ADARB2: variants seen among roughly 807,000 people sequenced by gnomAD.
ADARB2 encodes adenosine deaminase RNA specific B2 (inactive).
ADARB2 carries 25 observed loss-of-function variants against 62.2 expected under a neutral mutation model. The observed-to-expected ratio is 0.40, with a 90% CI of 0.29 to 0.56. ADARB2 has a LOEUF of 0.56. ADARB2 is among the 20% of genes least tolerant of loss of function. The pLI is 0.43. For synonymous variants in ADARB2, 572 were observed against 500.8 expected, an observed-to-expected ratio of 1.14 and a Z score of -1.90; for missense variants, 1,071 against 1,077.4, an observed-to-expected ratio of 0.99 and a Z score of 0.08.
intron 5 of ADARB2, among the ~76,000 whole-genome samples, chr10:1,240,695 CG>C (rs1370062270): frequency 1.3e-5 from 2 of 152,194 alleles, no homozygotes; most frequent in Non-Finnish European, 2.9e-5. Flanking sequence ...GGGCAGGCGT[CG>C]GGTGCACCTG....
In ADARB2 at chr10:1,200,042, T is replaced by C. The variant is rs79155735; in HGVS notation, c.1788A>G (p.Ala596=). Residue 596 remains alanine, a synonymous_variant, in exon 8 of 10, where the codon GCA becomes GCG. Transcript: ENST00000381312. ...CCTCCATGCGGTGGCTCATGACGCG[T>C]GCGAGGTGGCCCGTGTGGTGCAGGC... ...VGSLHHTGHL[A]RVMSHRMEGV... 3 of 1,596,766 alleles carry C rather than the reference T, an allele frequency of 1.9e-6. No homozygotes were observed. The highest frequency in any genetic ancestry group is 2.6e-6 in the Non-Finnish European group (3 of 1,176,182).
intron 1 of ADARB2, among the ~76,000 whole-genome samples, chr10:1,490,420 G>C (rs1421590194): frequency 1.3e-5 from 2 of 152,060 alleles, no homozygotes; most frequent in African/African-American, 4.8e-5. Context: ...AATCCTCTGA[G>C]GTTTCTTTTA....
intron 1 of ADARB2, among the ~76,000 whole-genome samples, chr10:1,608,363 G>A (rs1833520350): frequency 6.6e-6 from 1 of 152,046 alleles, no homozygotes; most frequent in Admixed American, 6.6e-5. Flanking sequence ...AATTTAAATC[G>A]TCACCAGCGG....
chr10:1,328,956 C>T (rs1589194221), intron 3 of ADARB2, among the ~76,000 whole-genome samples: 2 of 144,376 alleles, frequency 1.4e-5, no homozygotes, highest in East Asian at 4.0e-4. Flanking sequence ...ATGATTGCAC[C>T]ACTGCACTCC....
chr10:1,590,667 C>A (rs1205971488), intron 1 of ADARB2, among the ~76,000 whole-genome samples: 3 of 152,130 alleles, frequency 2.0e-5, no homozygotes, highest in Admixed American at 6.5e-5. Context: ...TCATGTATTT[C>A]ATGTAGAGGT....
At chr10:1,473,850 G>C (rs1225324191) in intron 1 of ADARB2, among the ~76,000 whole-genome samples, 2 of 152,262 alleles carry the variant, frequency 1.3e-5, no homozygotes, top group Non-Finnish European at 2.9e-5. Flanking sequence ...AGGATGGAAA[G>C]TGTAAGAAGA....
At chr10:1,695,372 A>G (rs1834726045) in intron 1 of ADARB2, among the ~76,000 whole-genome samples, 1 of 152,208 alleles carries the variant, frequency 6.6e-6, no homozygotes, top group Non-Finnish European at 1.5e-5. Flanking sequence ...ACAGGCTCAC[A>G]CAGCAAGGAG....
chr10:1,691,400 A>G (rs1267032269), intron 1 of ADARB2, among the ~76,000 whole-genome samples: 2 of 152,136 alleles, frequency 1.3e-5, no homozygotes, highest in African/African-American at 4.8e-5. Flanking sequence ...GAAAATGAAT[A>G]CAATGGTTTT....
chr10:1,184,701 G>A lies in ADARB2; in HGVS notation c.2043+160C>T, dbSNP rs1254000570. Among the ~76,000 whole-genome samples, 7 of 152,210 alleles carry A rather than the reference G, an allele frequency of 4.6e-5. No homozygotes were observed. In the South Asian group the frequency reaches 6.2e-4, roughly 14 times the overall value. On this transcript the variant is annotated intron_variant, in intron 9 of 9. Transcript: ENST00000381312. ...AGGGTCTCAAGCCTACAGGGGAAAC[G>A]CTGCTGGCCTGGGCAGCTGGGAAAA...
chr10:1,226,056 G>A (rs1180665008), intron 6 of ADARB2, among the ~76,000 whole-genome samples: 3 of 152,168 alleles, frequency 2.0e-5, no homozygotes, highest in Non-Finnish European at 2.9e-5. Context: ...CCAATCAGAC[G>A]TAGATTTGGT....
intron 8 of ADARB2, among the ~76,000 whole-genome samples, chr10:1,195,179 C>T (rs563042619): frequency 6.6e-6 from 1 of 152,258 alleles, no homozygotes; most frequent in East Asian, 1.9e-4. Flanking sequence ...CCATCCCTGT[C>T]CTTCCCCAGG....
chr10:1,279,812 GA>G (rs1274098078), intron 3 of ADARB2, among the ~76,000 whole-genome samples: 1 of 152,214 alleles, frequency 6.6e-6, no homozygotes, highest in Non-Finnish European at 1.5e-5. Context: ...TGGGAACATG[GA>G]ACTTGTTTGG....
At chr10:1,570,080 C>T (rs370336831) in intron 1 of ADARB2, among the ~76,000 whole-genome samples, 6 of 152,172 alleles carry the variant, frequency 3.9e-5, no homozygotes, top group South Asian at 4.2e-4. Flanking sequence ...GATTTGTTGT[C>T]TCATTCACAT....
In ADARB2 at chr10:1,285,313, C is replaced by T. The variant is rs11250383; in HGVS notation, c.1078-14244G>A. Among the ~76,000 whole-genome samples, 94 of 152,152 alleles carry T rather than the reference C, an allele frequency of 6.2e-4. 1 individual carries two copies. The East Asian group carries it at 0.016, about 25-fold the overall frequency. The stretch of plus-strand genomic sequence containing the variant: ...TGGGGAAACGCGCCCTCCTGTGAAC[C>T]CTTACAAAGCAGCTCGGCTTCTCGC... On this transcript the variant is annotated intron_variant, in intron 3 of 9. Coordinates refer to ENST00000381312, the MANE Select transcript of ADARB2 (RefSeq NM_018702.4).
intron 3 of ADARB2, among the ~76,000 whole-genome samples, chr10:1,321,770 C>T (rs2131827915): frequency 6.6e-6 from 1 of 152,270 alleles, no homozygotes; most frequent in South Asian, 2.1e-4. Context: ...GGGCTTTTGT[C>T]TAGGTTGAAA....
intron 1 of ADARB2, among the ~76,000 whole-genome samples, chr10:1,405,114 A>T (rs1260160748): frequency 6.6e-6 from 1 of 152,186 alleles, no homozygotes; most frequent in East Asian, 1.9e-4. Flanking sequence ...CAAACCACAG[A>T]GGTAACGGGG....
intron 1 of ADARB2, among the ~76,000 whole-genome samples, chr10:1,681,182 T>C (rs1259319941): frequency 5.3e-5 from 8 of 152,322 alleles, no homozygotes. Context: ...CAGACACACC[T>C]CCAACTCTTT....
intron 8 of ADARB2, among the ~76,000 whole-genome samples, chr10:1,190,800 C>A (rs1200358069): frequency 2.6e-5 from 4 of 152,244 alleles, no homozygotes; most frequent in African/African-American, 9.6e-5. Context: ...ATCTCACGAT[C>A]CTTAGTTTAC....
intron 1 of ADARB2, among the ~76,000 whole-genome samples, chr10:1,546,922 C>T (rs1832529126): frequency 6.6e-6 from 1 of 152,238 alleles, no homozygotes; most frequent in Non-Finnish European, 1.5e-5. Context: ...AAGGGAGGGT[C>T]TGTGAAGTGC....
Sources: allele counts gnomAD v4.1 joint callset (sites outside exome capture counted in the v4.1 genomes callset), GRCh38; gene constraint gnomAD v4.1.1; transcripts MANE v1.5; gene names NCBI Gene and HGNC (gene_info 2026-07-23, HGNC 2026-07-21).